The following SIRT5 variants were observed in gnomAD, a reference collection of about 807,000 sequenced individuals.
The protein encoded by SIRT5 is NAD-dependent protein deacylase sirtuin-5, mitochondrial.
In SIRT5, 26 loss-of-function variants were observed where a neutral mutation model predicts 40.0. The observed-to-expected ratio is 0.65, with a 90% CI of 0.48 to 0.90. SIRT5 has a LOEUF of 0.90. SIRT5 is among the 40% of genes least tolerant of loss of function. SIRT5 has a pLI of 0.00. For synonymous variants in SIRT5, 146 were observed against 149.1 expected (o/e 0.98, Z 0.15); for missense variants, 401 against 402.4 (o/e 1.00, Z 0.03).
chr6:13,603,272 G>A (rs563163916), intron 9 of SIRT5, among the ~76,000 whole-genome samples: 34 of 123,804 alleles, frequency 2.7e-4, no homozygotes, highest in African/African-American at 9.0e-4. Context: ...GCCAGACTCC[G>A]TCTCAAAAAA....
chr6:13,599,275 T>C, intron 8 of SIRT5, 120 bp downstream of exon 8: 1 of 1,013,958 alleles, frequency 9.9e-7, no homozygotes, highest in Non-Finnish European at 1.4e-6. Context: ...CTCTCCTCCC[T>C]CCATTTCTTC....
At chr6:13,596,054 C>T (rs1761537853) in intron 6 of SIRT5, among the ~76,000 whole-genome samples, 1 of 152,074 alleles carries the variant, frequency 6.6e-6, no homozygotes, top group African/African-American at 2.4e-5. Context: ...ATATTTTGCT[C>T]ACAACTTACA....
Position 13,613,483 on chromosome 6 carries a change from C to G in SIRT5, c.*1618C>G, listed in dbSNP as rs1185782758. The G allele has an allele frequency of 6.6e-6, 1 of 152,230 alleles. No homozygotes were observed. The highest frequency in any genetic ancestry group is 2.4e-5 in the African/African-American group (1 of 41,450). 9.4% of individuals were successfully genotyped at this position (152,230 alleles called of 1,614,324 possible). A position where few individuals can be genotyped will look rare whatever the true frequency, so the allele number is the denominator to read the frequency against. ...TCCCTGAAGTGATTACATACTTGGA[C>G]CACATCACCTCAGCCCCTTGCAAAA... On this transcript the variant is annotated 3_prime_UTR_variant, in exon 10 of 10. Coordinates refer to ENST00000606117, the MANE Select transcript of SIRT5 (RefSeq NM_012241.5).
rs140578228 is a variant in SIRT5, at chr6:13,603,629, G to A, written c.857+2680G>A. 2.6e-3 allele frequency among the ~76,000 whole-genome samples: 399 copies of A among 152,242 alleles called. 3 individuals carry two copies. Among genetic ancestry groups the A allele is most frequent in the African/African-American group, 9.1e-3 (376 of 41,520 alleles). ...ATGGCTGATGAGAATGTACAATGGCGCAGTCATTTTAGAAAACAATGTGGC... is the reference window on the plus strand; with the variant it reads ...ATGGCTGATGAGAATGTACAATGGCACAGTCATTTTAGAAAACAATGTGGC... On this transcript the variant is annotated intron_variant, in intron 9 of 9. Transcript: ENST00000606117.
intron 5 of SIRT5, among the ~76,000 whole-genome samples, chr6:13,594,727 T>C (rs917176888): frequency 2.0e-5 from 3 of 152,202 alleles, no homozygotes; most frequent in African/African-American, 7.2e-5. Context: ...GAAGGACTGG[T>C]GGGCAGGACG....
intron 3 of SIRT5, among the ~76,000 whole-genome samples, chr6:13,586,131 T>A (rs1760052045): frequency 6.6e-6 from 1 of 152,248 alleles, no homozygotes. Flanking sequence ...TATTTGTAGA[T>A]TCTGGATATT....
chr6:13,609,238 T>G (rs1026666344), intron 9 of SIRT5, among the ~76,000 whole-genome samples: 6 of 152,188 alleles, frequency 3.9e-5, no homozygotes, highest in Non-Finnish European at 7.3e-5. Context: ...AACCCAATCC[T>G]CCTGTAGTCA....
intron 5 of SIRT5, among the ~76,000 whole-genome samples, chr6:13,593,536 G>A (rs1294363765): frequency 6.6e-6 from 1 of 151,920 alleles, no homozygotes; most frequent in African/African-American, 2.4e-5. Context: ...AATTGTTGTC[G>A]GGATTAAATA....
intron 3 of SIRT5, among the ~76,000 whole-genome samples, chr6:13,587,877 T>C (rs1760288864): frequency 6.6e-6 from 1 of 152,136 alleles, no homozygotes; most frequent in African/African-American, 2.4e-5. Flanking sequence ...GGAGGAAGGG[T>C]AGGCTTTGGG....
intron 8 of SIRT5, among the ~76,000 whole-genome samples, chr6:13,599,492 C>T (rs527804616): frequency 1.4e-4 from 22 of 152,248 alleles, no homozygotes; most frequent in African/African-American, 5.1e-4. Flanking sequence ...TAATTGAGAA[C>T]ATGCAAAAAT....
chr6:13,611,234 T>C (rs9767144), intron 9 of SIRT5, among the ~76,000 whole-genome samples: 5,142 of 132,660 alleles, frequency 0.039, 232 homozygotes, highest in South Asian at 0.13. Context: ...TATATATATA[T>C]ATACACACAC....
chr6:13,602,126 T>TGGATTG (rs1456497150), intron 9 of SIRT5, among the ~76,000 whole-genome samples: 1 of 152,214 alleles, frequency 6.6e-6, no homozygotes, highest in African/African-American at 2.4e-5. Context: ...CCAGTGTTCA[T>TGGATTG]GGATTGGACA....
chr6:13,580,881 G>A (rs1295062032), intron 2 of SIRT5, among the ~76,000 whole-genome samples: 2 of 151,914 alleles, frequency 1.3e-5, no homozygotes, highest in East Asian at 1.9e-4. Flanking sequence ...GGCTGGTCTC[G>A]AACTCCTGGG....
chr6:13,575,023 G>C (rs1330008076), intron 1 of SIRT5, among the ~76,000 whole-genome samples: 1 of 152,182 alleles, frequency 6.6e-6, no homozygotes, highest in Non-Finnish European at 1.5e-5. Context: ...AGGTTCTGCT[G>C]AGCAGCTTGG....
Position 13,584,068 on chromosome 6 carries a change from T to G in SIRT5, c.-35-8T>G, listed in dbSNP as rs769414882. ...TCTACACTATTTGTTTTTGTGATTT[T>G]TCTAAAGCCCGCCTCAAGCATTAGA... On this transcript the variant is annotated splice_region_variant and splice_polypyrimidine_tract_variant and intron_variant, in intron 2 of 9. Coordinates refer to ENST00000606117, the MANE Select transcript of SIRT5 (RefSeq NM_012241.5). 2.8e-6 allele frequency: 4 copies of G among 1,435,190 alleles called. No homozygotes were observed. Among genetic ancestry groups the G allele is most frequent in the Non-Finnish European group, 3.9e-6 (4 of 1,024,176 alleles). The allele number at this position is 1,435,190 out of a possible 1,614,324, so 88.9% of individuals were successfully genotyped here.
At position 13,591,775 on chromosome 6, in the gene SIRT5, G is replaced by A. The variant is rs760125144; in HGVS notation, c.356G>A (p.Arg119His). The A allele has an allele frequency of 2.6e-5, 42 of 1,613,888 alleles. No homozygotes were observed. Among genetic ancestry groups the A allele is most frequent in the Admixed American group, 5.0e-5 (3 of 59,988 alleles). The part of the protein sequence containing the change: ...MGSKEPNAGH[R>H]AIAECETRLG... ...AGCAAGGAGCCCAACGCCGGGCACC[G>A]CGCCATAGCCGAGTGTGAGACCCGG... Residue 119 changes from arginine (R) to histidine (H), a missense_variant, in exon 5 of 10, where the codon CGC becomes CAC. Arg to His is a conservative substitution (Grantham distance 29). Transcript: ENST00000606117.
Position 13,599,045 on chromosome 6 carries a change from G to A in SIRT5, c.631G>A (p.Gly211Ser). The A allele has an allele frequency of 6.2e-7, 1 of 1,614,076 alleles. No homozygotes were observed. Among genetic ancestry groups the A allele is most frequent in the East Asian group, 2.2e-5 (1 of 44,862 alleles). The stretch of plus-strand genomic sequence containing the variant: ...CCATTCTTCCAGGTGTGAAGAGGCA[G>A]GCTGCGGGGGCTTGCTGCGACCTCA... ...VEKLPRCEEA[G>S]CGGLLRPHVV... is the part of the protein sequence containing the mutation. Residue 211 changes from glycine to serine, a missense_variant, in exon 8 of 10, where the codon GGC becomes AGC. Coordinates refer to ENST00000606117, the MANE Select transcript of SIRT5 (RefSeq NM_012241.5).
chr6:13,597,034 AT>A lies in SIRT5; in HGVS notation c.617+21del. The A allele has an allele frequency of 1.3e-6, 2 of 1,593,100 alleles. No homozygotes were observed. The highest frequency in any genetic ancestry group is 1.7e-4 in the Middle Eastern group (1 of 5,994). Reference sequence around the variant, plus strand: ...CTTCCCCGGTAGGTAGAAAACTCTGATTTGTACTGGTGTTCCAGGTTACCAA... The same window carrying A: ...CTTCCCCGGTAGGTAGAAAACTCTGATTGTACTGGTGTTCCAGGTTACCAA... On this transcript the variant is annotated intron_variant, in intron 7 of 9. Transcript: ENST00000606117.
In SIRT5 at chr6:13,599,071, C is replaced by G; in HGVS notation, c.657C>G (p.His219Gln). The change falls in exon 8 of 10, where the codon CAC (histidine) becomes CAG (glutamine). Residue 219 changes from histidine to glutamine, a missense_variant. By Grantham distance (24) the His-to-Gln change is conservative. Coordinates refer to ENST00000606117, the MANE Select transcript of SIRT5 (RefSeq NM_012241.5). ...EAGCGGLLRPHVVWFGENLDP... is the reference protein window; with the variant it reads ...EAGCGGLLRPQVVWFGENLDP... ...GCTGCGGGGGCTTGCTGCGACCTCA[C>G]GTCGTGTGGTTTGGAGAAAACCTGG... is the stretch of plus-strand genomic sequence containing the variant. 1.2e-6 allele frequency: 2 copies of G among 1,613,840 alleles called. No individual in the cohort carries two copies. Among genetic ancestry groups the G allele is most frequent in the Non-Finnish European group, 1.7e-6 (2 of 1,179,938 alleles).
Sources: gnomAD v4.1 joint callset for allele counts (sites outside exome capture counted in the v4.1 genomes callset) on GRCh38, gnomAD v4.1.1 for gene constraint, MANE v1.5 for transcripts, NCBI Gene and HGNC (gene_info 2026-07-23, HGNC 2026-07-21) for gene names.